FAM227A: variants seen among roughly 807,000 people sequenced by gnomAD.
FAM227A encodes the protein family with sequence similarity 227 member A, also known as protein FAM227A.
FAM227A carries 80 observed loss-of-function variants against 74.7 expected under a neutral mutation model. The observed-to-expected ratio is 1.07, with a 90% CI of 0.89 to 1.29. The LOEUF (loss-of-function observed/expected upper bound fraction) is 1.29, where lower values mean the gene tolerates loss of function less well. Among genes scored for constraint, FAM227A ranks in the 50% most tolerant of loss-of-function variants. The probability of loss-of-function intolerance (pLI) is 0.00; values close to 1 mark genes in which losing one functional copy is unlikely to be tolerated. For missense variants in FAM227A, 654 were observed against 683.4 expected, an observed-to-expected ratio of 0.96 and a Z score of 0.48; for synonymous variants, 237 against 241.8, an observed-to-expected ratio of 0.98 and a Z score of 0.19.
At chr22:38,588,572 T>C (rs1407534770) in intron 16 of FAM227A, among the ~76,000 whole-genome samples, 2 of 141,954 alleles carry the variant, frequency 1.4e-5, no homozygotes, top group African/African-American at 5.4e-5. Context: ...TGAGCCGAGA[T>C]TGCACCACTG....
At position 38,578,292 on chromosome 22, in the gene FAM227A, G is replaced by C. The variant is rs1047945388; in HGVS notation, c.*7833C>G. The C allele has an allele frequency of 1.3e-5, 2 of 152,090 alleles. No homozygotes were observed. The highest frequency in any genetic ancestry group is 2.9e-5 in the Non-Finnish European group (2 of 68,020). 9.4% of individuals were successfully genotyped at this position (152,090 alleles called of 1,614,324 possible). On this transcript the variant is annotated 3_prime_UTR_variant, in exon 17 of 17. Coordinates refer to ENST00000535113, the MANE Select transcript of FAM227A (RefSeq NM_001013647.2). ...GTCGCTAGGTGATAGGAATTGTTTA[G>C]TTCCATTATAATCTTATGGGACCAC...
chr22:38,606,281 C>T (rs2091280712), intron 12 of FAM227A, among the ~76,000 whole-genome samples: 1 of 152,156 alleles, frequency 6.6e-6, no homozygotes, highest in African/African-American at 2.4e-5. Flanking sequence ...ATCCTCCCAC[C>T]TCAACCTCCT....
intron 2 of FAM227A, among the ~76,000 whole-genome samples, chr22:38,646,329 G>A (rs1384584387): frequency 4.4e-4 from 58 of 132,656 alleles, no homozygotes; most frequent in African/African-American, 1.3e-3. Flanking sequence ...GCGGGATCTC[G>A]GCTCACTGCA....
chr22:38,633,451 G>C (rs1307235672), intron 6 of FAM227A, among the ~76,000 whole-genome samples: 1 of 152,200 alleles, frequency 6.6e-6, no homozygotes, highest in African/African-American at 2.4e-5. Context: ...AAGGCAAACT[G>C]TGCAGGAACA....
At chr22:38,598,749 A>G (rs1002068848) in intron 14 of FAM227A, among the ~76,000 whole-genome samples, 2 of 152,088 alleles carry the variant, frequency 1.3e-5, no homozygotes, top group Admixed American at 6.6e-5. Flanking sequence ...AGGTACTCTT[A>G]TCCCTATTTT....
chr22:38,642,945 AAAAC>A (rs1309355054), intron 3 of FAM227A, among the ~76,000 whole-genome samples: 2 of 152,002 alleles, frequency 1.3e-5, no homozygotes, highest in Non-Finnish European at 2.9e-5. Flanking sequence ...CAAAAAAACA[AAAAC>A]AAAAAAACAA....
chr22:38,581,575 G>A lies in FAM227A; in HGVS notation c.*4550C>T, dbSNP rs1197692880. 6.6e-6 allele frequency: 1 copy of A among 152,152 alleles called. No individual in the cohort carries two copies. Among genetic ancestry groups the A allele is most frequent in the Non-Finnish European group, 1.5e-5 (1 of 68,072 alleles). 9.4% of individuals were successfully genotyped at this position (152,152 alleles called of 1,614,324 possible). On this transcript the variant is annotated 3_prime_UTR_variant, in exon 17 of 17. Transcript: ENST00000535113. Reference sequence around the variant, plus strand: ...CTGCCTCAGCCTTGCGAGTACCCGGGACTACAGGCAGCTGCCACCACACCC... The same window carrying A: ...CTGCCTCAGCCTTGCGAGTACCCGGAACTACAGGCAGCTGCCACCACACCC...
At chr22:38,599,695 C>T in intron 14 of FAM227A, 69 bp downstream of exon 14, 1 of 1,435,734 alleles carries the variant, frequency 7.0e-7, no homozygotes, top group South Asian at 1.4e-5. Context: ...CATTCCCTGA[C>T]CTTTGCTTCT....
chr22:38,611,806 G>A (rs1462464781), intron 11 of FAM227A, among the ~76,000 whole-genome samples: 2 of 152,130 alleles, frequency 1.3e-5, no homozygotes, highest in African/African-American at 2.4e-5. Flanking sequence ...CTCCTCCAAA[G>A]TCCAGTCTTG....
In FAM227A at chr22:38,591,532, T is replaced by C. The variant is rs750309017; in HGVS notation, c.1541A>G (p.Lys514Arg). 2.8e-5 allele frequency: 43 copies of C among 1,541,078 alleles called. 1 individual carries two copies. The South Asian group carries it at 5.3e-4, about 19-fold the overall frequency. The change falls in exon 16 of 17, where the codon AAG (lysine) becomes AGG (arginine). Residue 514 changes from lysine to arginine, a missense_variant. Physicochemically the swap from Lys to Arg is conservative, Grantham distance 26. Coordinates refer to ENST00000535113, the MANE Select transcript of FAM227A (RefSeq NM_001013647.2). ...ELQDNFSREM[K>R]NIDPKAADTK... ...ATCTGCTGCTTTTGGATCAATATTC[T>C]TCATTTCCCTGGGAGGAAAACACAG...
chr22:38,652,403 T>C (rs374175985), intron 1 of FAM227A, among the ~76,000 whole-genome samples: 14 of 147,046 alleles, frequency 9.5e-5, no homozygotes, highest in South Asian at 8.6e-4. Context: ...CTGGCTAACA[T>C]GGTGAAACCC....
intron 11 of FAM227A, among the ~76,000 whole-genome samples, chr22:38,612,726 G>A (rs370664995): frequency 3.3e-5 from 5 of 152,144 alleles, no homozygotes; most frequent in South Asian, 2.1e-4. Context: ...TGGAGAGACT[G>A]TTGACAGGAG....
rs1294731953 is a variant in FAM227A at position 38,582,121 on chromosome 22, T to C, written c.*4004A>G. 2.6e-5 allele frequency: 14 copies of C among 541,144 alleles called. No individual in the cohort carries two copies. The highest frequency in any genetic ancestry group is 4.6e-5 in the Non-Finnish European group (14 of 305,588). The allele number at this position is 541,144 out of a possible 1,614,324, so 33.5% of individuals were successfully genotyped here. ...CACACATTTAAAGTGTATTTAGGTG[T>C]GTATACACCCATGAGCCATTCACCA... On this transcript the variant is annotated 3_prime_UTR_variant, in exon 17 of 17. Transcript: ENST00000535113.
At chr22:38,590,279 C>CAAA (rs71197120) in intron 16 of FAM227A, among the ~76,000 whole-genome samples, 41 of 57,778 alleles carry the variant, frequency 7.1e-4, no homozygotes, top group Non-Finnish European at 9.5e-4. Context: ...GACTCCATCT[C>CAAA]AAAAAAAAAA....
intron 12 of FAM227A, among the ~76,000 whole-genome samples, chr22:38,605,648 G>A (rs760026736): frequency 2.4e-4 from 37 of 152,094 alleles, no homozygotes; most frequent in Non-Finnish European, 4.3e-4. Flanking sequence ...TAGAAAAGAA[G>A]GTCTCATTTC....
chr22:38,595,284 G>A (rs2146177772), intron 15 of FAM227A, among the ~76,000 whole-genome samples: 1 of 152,268 alleles, frequency 6.6e-6, no homozygotes, highest in East Asian at 1.9e-4. Flanking sequence ...AAAGTGCCCA[G>A]TTCTATGGAA....
At chr22:38,616,275 G>A (rs1434237866) in intron 11 of FAM227A, among the ~76,000 whole-genome samples, 1 of 152,204 alleles carries the variant, frequency 6.6e-6, no homozygotes, top group African/African-American at 2.4e-5. Flanking sequence ...AAGCCAGTGG[G>A]GTCCCCGCGC....
intron 3 of FAM227A, among the ~76,000 whole-genome samples, chr22:38,640,495 A>G (rs2092091785): frequency 1.3e-5 from 2 of 152,082 alleles, no homozygotes; most frequent in African/African-American, 4.8e-5. Context: ...CCCCACCCCC[A>G]TCCTCCTACG....
Position 38,591,450 on chromosome 22 carries a change from A to C in FAM227A, c.1623T>G (p.Pro541=), listed in dbSNP as rs771661056. ...IPPSAVNEES[P]DKKTKEGKGG... The stretch of plus-strand genomic sequence containing the variant: ...GGAGACTTCCCTTAGTTTTCTTGTC[A>C]GGTGATTCCTCATTGACGGCTGAAG... Residue 541 remains proline (P), a synonymous_variant, in exon 16 of 17, where the codon CCT becomes CCG. Coordinates refer to ENST00000535113, the MANE Select transcript of FAM227A (RefSeq NM_001013647.2). 9 of 1,551,196 alleles carry C rather than the reference A, an allele frequency of 5.8e-6. No homozygotes were observed. In the South Asian group the frequency reaches 1.1e-4, roughly 18 times the overall value.
Sources: gnomAD v4.1 joint callset for allele counts (sites outside exome capture counted in the v4.1 genomes callset) on GRCh38, gnomAD v4.1.1 for gene constraint, MANE v1.5 for transcripts, NCBI Gene and HGNC (gene_info 2026-07-23, HGNC 2026-07-21) for gene names.